The following AGPAT3 variants were observed in gnomAD, a reference collection of about 807,000 sequenced individuals.
The protein encoded by AGPAT3 is 1-acylglycerol-3-phosphate O-acyltransferase 3, also known as 1-acyl-sn-glycerol-3-phosphate acyltransferase gamma.
Under a neutral mutation model 47.3 loss-of-function variants are expected in AGPAT3, and 5 were observed. The observed-to-expected ratio is 0.11, with a 90% CI of 0.06 to 0.22. The LOEUF (loss-of-function observed/expected upper bound fraction) is 0.22, where lower values mean the gene tolerates loss of function less well. Among genes scored for constraint, AGPAT3 ranks in the 10% least tolerant of loss-of-function variants. The pLI is 1.00. For synonymous variants in AGPAT3, 212 were observed against 208.3 expected, an observed-to-expected ratio of 1.02 and a Z score of -0.15; for missense variants, 315 against 493.0, an observed-to-expected ratio of 0.64 and a Z score of 3.42.
At chr21:43,928,205 G>A (rs2087120703) in intron 2 of AGPAT3, among the ~76,000 whole-genome samples, 1 of 152,212 alleles carries the variant, frequency 6.6e-6, no homozygotes, top group Non-Finnish European at 1.5e-5. Context: ...GCAGGCCAAG[G>A]GCATGATGGT....
chr21:43,966,202 GA>G (rs1189420742), intron 3 of AGPAT3: 2 of 152,138 alleles, frequency 1.3e-5, no homozygotes, highest in Non-Finnish European at 2.9e-5. Context: ...GTGACCTTTG[GA>G]TGGGACCATT....
chr21:43,867,812 A>G (rs1282476283), intron 1 of AGPAT3: 3 of 152,214 alleles, frequency 2.0e-5, no homozygotes, highest in Admixed American at 2.0e-4. Flanking sequence ...TTGTTACAGT[A>G]AAGTTGGACT....
chr21:43,867,979 T>C (rs2085545526), intron 1 of AGPAT3, among the ~76,000 whole-genome samples: 1 of 152,222 alleles, frequency 6.6e-6, no homozygotes, highest in Non-Finnish European at 1.5e-5. Flanking sequence ...AATTTCAAGA[T>C]TGATTCTAAA....
At chr21:43,968,851 C>G (rs1019924338) in intron 4 of AGPAT3, among the ~76,000 whole-genome samples, 2 of 152,166 alleles carry the variant, frequency 1.3e-5, no homozygotes, top group African/African-American at 4.8e-5. Flanking sequence ...CAGGCCACCC[C>G]CCGGAAGCCT....
intron 8 of AGPAT3, among the ~76,000 whole-genome samples, chr21:43,978,455 A>T (rs1413463261): frequency 1.3e-5 from 2 of 152,226 alleles, no homozygotes; most frequent in Non-Finnish European, 2.9e-5. Flanking sequence ...GGCGCAAGCC[A>T]CCATATTCAG....
At chr21:43,945,514 G>C (rs925241315) in intron 2 of AGPAT3, among the ~76,000 whole-genome samples, 2 of 152,206 alleles carry the variant, frequency 1.3e-5, no homozygotes, top group Admixed American at 6.5e-5. Flanking sequence ...CGTAATGGTA[G>C]ACGATGGCCG....
At chr21:43,976,527 G>A (rs2089629539) in intron 7 of AGPAT3, among the ~76,000 whole-genome samples, 1 of 152,198 alleles carries the variant, frequency 6.6e-6, no homozygotes, top group Admixed American at 6.5e-5. Flanking sequence ...TAATCAGTTT[G>A]ACTGTAAGGC....
rs1338399015 is a variant in AGPAT3, at chr21:43,983,439, A to AC, written c.*1053dup. ...TCCTGCTGGAAACTAGAGGTGGGGC[A>AC]CCCCCCACCCCCCAGCCTCGCACTG... On this transcript the variant is annotated 3_prime_UTR_variant, in exon 10 of 10. Coordinates refer to ENST00000291572, the MANE Select transcript of AGPAT3 (RefSeq NM_020132.5). 1.3e-5 allele frequency: 2 copies of AC among 151,526 alleles called. No homozygotes were observed. The highest frequency in any genetic ancestry group is 4.9e-5 in the African/African-American group (2 of 41,138). The allele number at this position is 151,526 out of a possible 1,614,324, so 9.4% of individuals were successfully genotyped here. A position where few individuals can be genotyped will look rare whatever the true frequency, so the allele number is the denominator to read the frequency against.
intron 7 of AGPAT3, 38 bp downstream of exon 7, chr21:43,971,528 T>G: frequency 6.3e-7 from 1 of 1,589,802 alleles, no homozygotes; most frequent in Non-Finnish European, 8.6e-7. Flanking sequence ...CCGCCCCCCA[T>G]ACCTTCATGA....
chr21:43,870,942 C>G (rs368597152), intron 1 of AGPAT3, among the ~76,000 whole-genome samples: 1 of 152,102 alleles, frequency 6.6e-6, no homozygotes, highest in African/African-American at 2.4e-5. Flanking sequence ...CCTGACCACC[C>G]GCTACTGACC....
chr21:43,932,647 TGGTA>T lies in AGPAT3; in HGVS notation c.-48-26985_-48-26982del, dbSNP rs371122834. Among the ~76,000 whole-genome samples, 1,513 of 152,276 alleles carry T rather than the reference TGGTA, an allele frequency of 9.9e-3. 17 individuals are homozygous for T. Among genetic ancestry groups the T allele is most frequent in the African/African-American group, 0.034 (1,412 of 41,536 alleles). On this transcript the variant is annotated intron_variant, in intron 2 of 9. Coordinates refer to ENST00000291572, the MANE Select transcript of AGPAT3 (RefSeq NM_020132.5). The surrounding 1 kb of genome is among the most constrained non-coding windows in gnomAD (Gnocchi z 5.2). ...CCAGAAGTGGGATTGCCGGACCTTA[TGGTA>T]GTTCCTTTTGTTTTCTTGAGACGGA...
chr21:43,975,623 T>G (rs181377778), intron 7 of AGPAT3, among the ~76,000 whole-genome samples: 1 of 152,326 alleles, frequency 6.6e-6, no homozygotes, highest in Admixed American at 6.5e-5. Context: ...TCAAGCCTGG[T>G]CTTTCCTGCT....
chr21:43,872,571 G>C (rs760788299), intron 1 of AGPAT3, among the ~76,000 whole-genome samples: 1 of 152,228 alleles, frequency 6.6e-6, no homozygotes, highest in Non-Finnish European at 1.5e-5. Context: ...TTTAACAGCT[G>C]ATCACCTTGC....
intron 6 of AGPAT3, among the ~76,000 whole-genome samples, chr21:43,971,181 G>A (rs1018199390): frequency 1.3e-5 from 2 of 152,200 alleles, no homozygotes; most frequent in African/African-American, 4.8e-5. Context: ...GCCACTAAAT[G>A]CCCTCACCAA....
rs369874117 is a variant in AGPAT3, at chr21:43,959,791, C to T, written c.110C>T (p.Ala37Val). Residue 37 changes from alanine (A) to valine (V), a missense_variant, in exon 3 of 10, where the codon GCG becomes GTG. Ala to Val is a moderately conservative substitution (Grantham distance 64). Coordinates refer to ENST00000291572, the MANE Select transcript of AGPAT3 (RefSeq NM_020132.5). The part of the protein sequence containing the change: ...VINFVQLCTL[A>V]LWPVSKQLYR... ...AACTTCGTCCAGCTGTGCACGCTGGCGCTCTGGCCGGTCAGCAAGCAGCTC... is the reference window on the plus strand; with the variant it reads ...AACTTCGTCCAGCTGTGCACGCTGGTGCTCTGGCCGGTCAGCAAGCAGCTC... The T allele has an allele frequency of 2.5e-5, 41 of 1,613,224 alleles. No individual in the cohort carries two copies. The highest frequency in any genetic ancestry group is 8.9e-5 in the East Asian group (4 of 44,894).
At chr21:43,931,450 A>T (rs9974282) in intron 2 of AGPAT3, among the ~76,000 whole-genome samples, 116,037 of 152,176 alleles carry the variant, frequency 0.76, 44,359 homozygotes, top group Admixed American at 0.84. Flanking sequence ...AATATTTTTG[A>T]ATAAATCATT....
intron 1 of AGPAT3, among the ~76,000 whole-genome samples, chr21:43,873,220 C>T (rs963210836): frequency 1.3e-5 from 2 of 152,220 alleles, no homozygotes; most frequent in South Asian, 4.1e-4. Context: ...CAATGCCTGT[C>T]TCCAAATAAA....
chr21:43,946,471 G>A (rs1330810692), intron 2 of AGPAT3, among the ~76,000 whole-genome samples: 4 of 152,034 alleles, frequency 2.6e-5, no homozygotes, highest in Non-Finnish European at 5.9e-5. Context: ...GTGGTAGCCC[G>A]CACCTGTAAT....
At chr21:43,893,079 A>G (rs1252479875) in intron 1 of AGPAT3, among the ~76,000 whole-genome samples, 2 of 152,176 alleles carry the variant, frequency 1.3e-5, no homozygotes, top group Non-Finnish European at 2.9e-5. Context: ...TAGGCAACCG[A>G]GTGACACCCT....
Sources: gnomAD v4.1 joint callset for allele counts (sites outside exome capture counted in the v4.1 genomes callset) on GRCh38, gnomAD v4.1.1 for gene constraint, Gnocchi (gnomAD v3.1) non-coding constraint, MANE v1.5 for transcripts, NCBI Gene and HGNC (gene_info 2026-07-23, HGNC 2026-07-21) for gene names.